The following CYSLTR2 variants were observed in gnomAD, a reference collection of about 807,000 sequenced individuals.
CYSLTR2 encodes the protein cysteinyl leukotriene receptor 2.
For missense variants in CYSLTR2, 398 were observed against 411.9 expected (o/e 0.97, Z 0.29); for synonymous variants, 179 against 160.8 (o/e 1.11, Z -0.86).
At chr13:48,674,361 C>T (rs1335281336) in intron 1 of CYSLTR2, among the ~76,000 whole-genome samples, 1 of 152,102 alleles carries the variant, frequency 6.6e-6, no homozygotes, top group Non-Finnish European at 1.5e-5. Flanking sequence ...TGCTTTATTT[C>T]ATTAAGTAGA....
intron 1 of CYSLTR2, among the ~76,000 whole-genome samples, chr13:48,673,284 T>G (rs1388079078): frequency 2.0e-5 from 3 of 152,156 alleles, no homozygotes; most frequent in Admixed American, 2.0e-4. Flanking sequence ...TGAATCCGGG[T>G]GCTCCTGTAT....
In CYSLTR2 at chr13:48,702,509, G is replaced by A. The variant is rs184045573; in HGVS notation, c.-1-4308G>A. Among the ~76,000 whole-genome samples the A allele has an allele frequency of 5.3e-5, 8 of 152,010 alleles. No homozygotes were observed. The East Asian group carries it at 1.5e-3, about 29-fold the overall frequency. On this transcript the variant is annotated intron_variant, in intron 4 of 4. Transcript: ENST00000682523. ...GATTTAGTTCAAGGTTTGTTTTTTTGCCTATGGCTATCCAATTGCTCCAGT... is the reference window on the plus strand; with the variant it reads ...GATTTAGTTCAAGGTTTGTTTTTTTACCTATGGCTATCCAATTGCTCCAGT...
intron 2 of CYSLTR2, among the ~76,000 whole-genome samples, 190 bp downstream of exon 2, chr13:48,691,491 G>A (rs995342858): frequency 2.0e-5 from 3 of 152,066 alleles, no homozygotes; most frequent in African/African-American, 7.2e-5. Context: ...GTTTAGTGTA[G>A]ACCCCAGAAC....
At chr13:48,694,162 T>C (rs551105425) in intron 3 of CYSLTR2, among the ~76,000 whole-genome samples, 14 of 150,524 alleles carry the variant, frequency 9.3e-5, no homozygotes, top group African/African-American at 3.5e-4. Context: ...TTGTCTACAA[T>C]GAGGGCTGAG....
At chr13:48,664,055 A>G (rs1953197355) in intron 1 of CYSLTR2, among the ~76,000 whole-genome samples, 1 of 152,124 alleles carries the variant, frequency 6.6e-6, no homozygotes, top group Non-Finnish European at 1.5e-5. Flanking sequence ...AATTTTATCA[A>G]AAGATTTTTC....
intron 4 of CYSLTR2, among the ~76,000 whole-genome samples, chr13:48,697,754 A>G (rs1020470524): frequency 1.3e-5 from 2 of 152,200 alleles, no homozygotes; most frequent in African/African-American, 4.8e-5. Flanking sequence ...CATCACAAAG[A>G]AGCTAAAAAC....
intron 1 of CYSLTR2, among the ~76,000 whole-genome samples, chr13:48,654,514 T>C (rs1952955784): frequency 6.6e-6 from 1 of 152,186 alleles, no homozygotes; most frequent in African/African-American, 2.4e-5. Context: ...GCTGTTATCC[T>C]CTTTTTCATA....
intron 4 of CYSLTR2, among the ~76,000 whole-genome samples, chr13:48,696,990 G>A (rs1954207535): frequency 6.6e-6 from 1 of 152,194 alleles, no homozygotes; most frequent in African/African-American, 2.4e-5. Context: ...TGAGGCTTGA[G>A]TAGGTAAACA....
At chr13:48,663,746 T>C (rs1953188272) in intron 1 of CYSLTR2, among the ~76,000 whole-genome samples, 1 of 151,980 alleles carries the variant, frequency 6.6e-6, no homozygotes, top group Admixed American at 6.5e-5. Flanking sequence ...GGTAGAGTCT[T>C]TCTATATATG....
chr13:48,679,263 C>G (rs1022369719), intron 1 of CYSLTR2, among the ~76,000 whole-genome samples: 1 of 152,164 alleles, frequency 6.6e-6, no homozygotes, highest in African/African-American at 2.4e-5. Flanking sequence ...TTCCCCAAGG[C>G]TGGTGTGGCC....
chr13:48,707,192 T>C lies in CYSLTR2; in HGVS notation c.375T>C (p.Ser125=). 1.9e-6 allele frequency: 3 copies of C among 1,614,196 alleles called. No individual in the cohort carries two copies. Among genetic ancestry groups the C allele is most frequent in the Middle Eastern group, 3.3e-4 (2 of 6,062 alleles). The part of the protein sequence containing the change: ...SYSLYVNMYS[S]IYFLTVLSVV... ...CCTTGTATGTCAACATGTACAGCAG[T>C]ATTTATTTCCTGACCGTGCTGAGTG... Residue 125 remains serine, a synonymous_variant, in exon 5 of 5, where the codon AGT becomes AGC. Transcript: ENST00000682523.
intron 1 of CYSLTR2, among the ~76,000 whole-genome samples, chr13:48,659,531 T>C (rs1953077684): frequency 6.6e-6 from 1 of 152,246 alleles, no homozygotes; most frequent in African/African-American, 2.4e-5. Flanking sequence ...AATAATGGAA[T>C]ATGAAATGCT....
intron 1 of CYSLTR2, among the ~76,000 whole-genome samples, chr13:48,685,322 G>A (rs913159529): frequency 2.0e-5 from 3 of 151,996 alleles, no homozygotes; most frequent in Admixed American, 1.3e-4. Context: ...CCGAGGGGAC[G>A]GTGCTAAACC....
intron 4 of CYSLTR2, among the ~76,000 whole-genome samples, chr13:48,700,112 C>G (rs958258432): frequency 8.5e-5 from 13 of 152,184 alleles, no homozygotes; most frequent in Non-Finnish European, 1.8e-4. Flanking sequence ...TGGTACCATT[C>G]CTTCTGAAAC....
chr13:48,706,995 A>G lies in CYSLTR2; in HGVS notation c.178A>G (p.Ile60Val). The G allele has an allele frequency of 6.2e-7, 1 of 1,614,152 alleles. No individual in the cohort carries two copies. The highest frequency in any genetic ancestry group is 8.5e-7 in the Non-Finnish European group (1 of 1,180,028). ...FWGVLGNGLSIYVFLQPYKKS... is the reference protein window; with the variant it reads ...FWGVLGNGLSVYVFLQPYKKS... Reference sequence around the variant, plus strand: ...GGGAGTCTTGGGAAATGGGTTGTCCATATATGTTTTCCTGCAGCCTTATAA... The same window carrying G: ...GGGAGTCTTGGGAAATGGGTTGTCCGTATATGTTTTCCTGCAGCCTTATAA... The change falls in exon 5 of 5, where the codon ATA becomes GTA. Residue 60 changes from isoleucine (I) to valine (V), a missense_variant. By Grantham distance (29) the Ile-to-Val change is conservative (BLOSUM62 3). Transcript: ENST00000682523.
At chr13:48,681,120 T>G (rs900663994) in intron 1 of CYSLTR2, among the ~76,000 whole-genome samples, 1 of 152,060 alleles carries the variant, frequency 6.6e-6, no homozygotes, top group Non-Finnish European at 1.5e-5. Context: ...CAACCATCTA[T>G]CACTCCCATT....
At position 48,694,341 on chromosome 13, in the gene CYSLTR2, C is replaced by A. The variant is rs538710662; in HGVS notation, c.-103+831C>A. On this transcript the variant is annotated intron_variant, in intron 3 of 4. Transcript: ENST00000682523. ...GAGCCAGAGGACAGACTTATGGGGA[C>A]TTGGCTTGTCCTTTCCTTATGGACT... 4.6e-5 allele frequency among the ~76,000 whole-genome samples: 7 copies of A among 152,310 alleles called. No homozygotes were observed. In the South Asian group the frequency reaches 1.4e-3, roughly 32 times the overall value.
rs1954600881 is a variant in CYSLTR2 at position 48,710,120 on chromosome 13, A to C, written c.*2262A>C. On this transcript the variant is annotated 3_prime_UTR_variant, in exon 5 of 5. Transcript: ENST00000682523. ...TGGCTCAGCTGTGAATAATATTTAC[A>C]TAGAGGATAATGTGAATATAATAGT... The C allele has an allele frequency of 6.6e-6, 1 of 152,276 alleles. No homozygotes were observed. The highest frequency in any genetic ancestry group is 1.5e-5 in the Non-Finnish European group (1 of 68,068). The allele number at this position is 152,276 out of a possible 1,614,324, so 9.4% of individuals were successfully genotyped here. A position where few individuals can be genotyped will look rare whatever the true frequency, so the allele number is the denominator to read the frequency against.
intron 1 of CYSLTR2, among the ~76,000 whole-genome samples, chr13:48,685,777 C>T (rs1953880755): frequency 6.6e-6 from 1 of 152,126 alleles, no homozygotes; most frequent in Admixed American, 6.6e-5. Flanking sequence ...ATAACAACAT[C>T]ATCATTCCCC....
Sources: gnomAD v4.1 joint callset for allele counts (sites outside exome capture counted in the v4.1 genomes callset) on GRCh38, gnomAD v4.1.1 for gene constraint, MANE v1.5 for transcripts, NCBI Gene and HGNC (gene_info 2026-07-23, HGNC 2026-07-21) for gene names.